The following CEP162 variants were observed in gnomAD, a reference collection of about 807,000 sequenced individuals.
CEP162 encodes the protein centrosomal protein of 162 kDa.
In CEP162, 141 loss-of-function variants were observed where a neutral mutation model predicts 169.2. The ratio of observed to expected loss-of-function variants is 0.83; its 90% confidence interval spans 0.73 to 0.96. The LOEUF is 0.96. Ranked by LOEUF, CEP162 falls within the 40% of genes least tolerant of loss-of-function variation. CEP162 has a pLI of 0.00. For missense variants in CEP162, 1,600 were observed against 1,587.2 expected, an observed-to-expected ratio of 1.01 and a Z score of -0.14; for synonymous variants, 540 against 526.4, an observed-to-expected ratio of 1.03 and a Z score of -0.35.
In CEP162 at chr6:84,171,595, A is replaced by G; in HGVS notation, c.2279+11T>C. 8.5e-7 allele frequency: 1 copy of G among 1,171,700 alleles called. No individual in the cohort carries two copies. Among genetic ancestry groups the G allele is most frequent in the Non-Finnish European group, 1.2e-6 (1 of 847,144 alleles). 72.6% of individuals were successfully genotyped at this position (1,171,700 alleles called of 1,614,324 possible). A position where few individuals can be genotyped will look rare whatever the true frequency, so the allele number is the denominator to read the frequency against. On this transcript the variant is annotated intron_variant, in intron 17 of 26. Coordinates refer to ENST00000403245, the MANE Select transcript of CEP162 (RefSeq NM_014895.4). ...AGTATATTTGATTTTAAGAAGTTCA[A>G]AAGGACTTACTTTAAGGAAGCTACC...
chr6:84,127,975 C>G (rs1325060762), intron 25 of CEP162, among the ~76,000 whole-genome samples: 1 of 152,158 alleles, frequency 6.6e-6, no homozygotes, highest in Non-Finnish European at 1.5e-5. Context: ...TTAGGCTGAG[C>G]ACTTTACAGA....
At position 84,201,769 on chromosome 6, in the gene CEP162, T is replaced by C. The variant is rs1185006552; in HGVS notation, c.688-2A>G. Reference sequence around the variant, plus strand: ...AAGCATGCCAGTTTTTTCTTCTTCCTAAATTAAAAAAGGAAAATGATGATA... The same window carrying C: ...AAGCATGCCAGTTTTTTCTTCTTCCCAAATTAAAAAAGGAAAATGATGATA... On this transcript the variant is annotated splice_acceptor_variant, in intron 7 of 26. Transcript: ENST00000403245. LOFTEE classifies it high-confidence loss of function. 2.3e-6 allele frequency: 3 copies of C among 1,326,538 alleles called. No homozygotes were observed. The African/African-American group carries it at 4.4e-5, about 20-fold the overall frequency. 82.2% of individuals were successfully genotyped at this position (1,326,538 alleles called of 1,614,324 possible).
intron 25 of CEP162, among the ~76,000 whole-genome samples, chr6:84,135,736 T>G (rs1269763741): frequency 6.6e-6 from 1 of 151,954 alleles, no homozygotes; most frequent in Non-Finnish European, 1.5e-5. Flanking sequence ...GATGGCACAA[T>G]CCTGTAATCC....
intron 5 of CEP162, among the ~76,000 whole-genome samples, chr6:84,213,399 C>G (rs1049902239): frequency 6.6e-6 from 1 of 152,084 alleles, no homozygotes; most frequent in Admixed American, 6.6e-5. Flanking sequence ...CATATGAAAG[C>G]CAGAAAAAAA....
intron 9 of CEP162, among the ~76,000 whole-genome samples, chr6:84,196,360 T>A (rs1284289837): frequency 6.6e-6 from 1 of 152,222 alleles, no homozygotes; most frequent in African/African-American, 2.4e-5. Context: ...CCCAGCCATG[T>A]GGAACTGTAA....
intron 11 of CEP162, among the ~76,000 whole-genome samples, chr6:84,187,072 A>G (rs2099537482): frequency 6.6e-6 from 1 of 152,212 alleles, no homozygotes; most frequent in Admixed American, 6.5e-5. Context: ...ATTTGTATTA[A>G]GGAGGCATAG....
At position 84,200,604 on chromosome 6, in the gene CEP162, T is replaced by G. The variant is rs182934009; in HGVS notation, c.835+185A>C. Among the ~76,000 whole-genome samples, 5 of 152,352 alleles carry G rather than the reference T, an allele frequency of 3.3e-5. No homozygotes were observed. The East Asian group carries it at 9.6e-4, about 29-fold the overall frequency. ...ATTTAAAACCTCACTTTACTTGGCC[T>G]ACTAGCATTGTGTCACCATCAGCAA... On this transcript the variant is annotated intron_variant, in intron 9 of 26. Transcript: ENST00000403245.
chr6:84,145,819 C>G (rs770034842), intron 25 of CEP162, among the ~76,000 whole-genome samples: 6 of 152,080 alleles, frequency 3.9e-5, no homozygotes, highest in Non-Finnish European at 7.4e-5. Context: ...TAGACATACT[C>G]AAACTGTAAA....
At chr6:84,197,340 A>G (rs117585000) in intron 9 of CEP162, among the ~76,000 whole-genome samples, 6,847 of 152,142 alleles carry the variant, frequency 0.045, 248 homozygotes, top group South Asian at 0.09. Context: ...AGCCATATTA[A>G]AATTAATTTA....
In CEP162 at chr6:84,194,941, T is replaced by C; in HGVS notation, c.970A>G (p.Lys324Glu). The change falls in exon 10 of 27, where the codon AAA becomes GAA. Residue 324 changes from lysine to glutamate, a missense_variant. Transcript: ENST00000403245. ...NTVEDIKSSV[K>E]GHPQENEENS... ...TCTTCATTTTCTTGAGGATGACCTT[T>C]CACTGAGCTCTTGATATCTTCCACT... 6.2e-7 allele frequency: 1 copy of C among 1,613,428 alleles called. No individual in the cohort carries two copies. Among genetic ancestry groups the C allele is most frequent in the Non-Finnish European group, 8.5e-7 (1 of 1,179,738 alleles).
chr6:84,177,426 C>T (rs1190866502), intron 13 of CEP162, among the ~76,000 whole-genome samples: 5 of 152,204 alleles, frequency 3.3e-5, no homozygotes, highest in South Asian at 2.1e-4. Context: ...TCCCAGCTCA[C>T]GTGGCCTGTA....
In CEP162 at chr6:84,227,416, G is replaced by C. The variant is rs576152457; in HGVS notation, c.-60+164C>G. Among the ~76,000 whole-genome samples the C allele has an allele frequency of 2.6e-5, 4 of 152,336 alleles. No homozygotes were observed. In the South Asian group the frequency reaches 8.3e-4, roughly 32 times the overall value. On this transcript the variant is annotated intron_variant, in intron 1 of 26. Transcript: ENST00000403245. ...CCTGGCTGCGACCCCGTCCCCAGAA[G>C]CGCGGGTTCGGGAATTGGAGGGAAG... is the stretch of plus-strand genomic sequence containing the variant.
In CEP162 at chr6:84,142,067, G is replaced by GA. The variant is rs2099516920; in HGVS notation, c.3870+4619dup. On this transcript the variant is annotated intron_variant, in intron 25 of 26. Transcript: ENST00000403245. ...ACCCCCACATACATTTGAGACTAAA[G>GA]AAAAAAAGGCAGCCCAGAGGGAGAA... Among the ~76,000 whole-genome samples, 3 of 151,938 alleles carry GA rather than the reference G, an allele frequency of 2.0e-5. No individual in the cohort carries two copies. The South Asian group carries it at 6.2e-4, about 32-fold the overall frequency.
At chr6:84,139,348 G>A (rs1452146014) in intron 25 of CEP162, among the ~76,000 whole-genome samples, 1 of 152,148 alleles carries the variant, frequency 6.6e-6, no homozygotes, top group African/African-American at 2.4e-5. Flanking sequence ...TGTTGAAGAT[G>A]GTTTGTAAAC....
chr6:84,200,504 T>A (rs3778177), intron 9 of CEP162, among the ~76,000 whole-genome samples: 1 of 152,174 alleles, frequency 6.6e-6, no homozygotes, highest in Admixed American at 6.5e-5. Flanking sequence ...TGGAGAGGCA[T>A]AGAAAATTAG....
intron 20 of CEP162, 146 bp from the exon 21 acceptor site, chr6:84,161,062 C>CT: frequency 1.6e-6 from 1 of 625,516 alleles, no homozygotes; most frequent in Non-Finnish European, 2.8e-6. Flanking sequence ...CTTTGAGCTC[C>CT]TCCCAAGTTC....
chr6:84,212,522 A>ATTGCAGTTT (rs1156935178), intron 6 of CEP162, among the ~76,000 whole-genome samples: 13 of 151,980 alleles, frequency 8.6e-5, no homozygotes, highest in Non-Finnish European at 4.4e-5. Flanking sequence ...GCAACTAAGA[A>ATTGCAGTTT]AAAAATACAA....
intron 25 of CEP162, among the ~76,000 whole-genome samples, chr6:84,128,067 TTTTGTC>T (rs2099509666): frequency 6.6e-6 from 1 of 152,182 alleles, no homozygotes; most frequent in African/African-American, 2.4e-5. Context: ...GAGCAAAGAT[TTTTGTC>T]TTTGTTCACC....
At chr6:84,199,348 G>T (rs761043388) in intron 9 of CEP162, among the ~76,000 whole-genome samples, 2 of 152,024 alleles carry the variant, frequency 1.3e-5, no homozygotes, top group East Asian at 3.9e-4. Context: ...AATGAAAGTG[G>T]ATGTAACAAG....
Sources: allele counts gnomAD v4.1 joint callset (sites outside exome capture counted in the v4.1 genomes callset), GRCh38; gene constraint gnomAD v4.1.1; transcripts MANE v1.5; gene names NCBI Gene and HGNC (gene_info 2026-07-23, HGNC 2026-07-21).